Variants in PCDHGA7 observed in about 807,000 individuals in gnomAD.
PCDHGA7 encodes the protein protocadherin gamma subfamily A, 7.
PCDHGA7 carries 44 observed loss-of-function variants against 58.3 expected under a neutral mutation model. The observed-to-expected ratio is 0.75, with a 90% CI of 0.59 to 0.97. The LOEUF (loss-of-function observed/expected upper bound fraction) is 0.97. Among genes scored for constraint, PCDHGA7 ranks in the 50% least tolerant of loss-of-function variants. The pLI is 0.00. For missense variants in PCDHGA7, 1,266 were observed against 1,188.7 expected (o/e 1.06, Z -0.96); for synonymous variants, 516 against 504.2 (o/e 1.02, Z -0.31).
chr5:141,390,330 C>T, intron 1 of PCDHGA7: 1 of 1,600,608 alleles, frequency 6.2e-7, no homozygotes, highest in Non-Finnish European at 8.5e-7. Flanking sequence ...ACCCATTTCT[C>T]CATATTCACA....
intron 1 of PCDHGA7, chr5:141,399,894 C>T (rs201911174): frequency 1.9e-6 from 3 of 1,612,570 alleles, no homozygotes; most frequent in Non-Finnish European, 2.5e-6. Context: ...AGGTAGTGGC[C>T]GTGGACGCAG....
At chr5:141,502,914 T>G (rs78646636) in intron 2 of PCDHGA7, among the ~76,000 whole-genome samples, 4,865 of 139,540 alleles carry the variant, frequency 0.035, 119 homozygotes, top group South Asian at 0.075. Flanking sequence ...CAGGCTGGAG[T>G]GCAGTGGCAA....
chr5:141,420,613 A>G (rs536307424), intron 1 of PCDHGA7, among the ~76,000 whole-genome samples: 53 of 152,194 alleles, frequency 3.5e-4, no homozygotes, highest in Non-Finnish European at 1.9e-4. Flanking sequence ...CAAGTATTTC[A>G]TCTTCATTTA....
chr5:141,400,292 G>T, intron 1 of PCDHGA7: 1 of 1,614,078 alleles, frequency 6.2e-7, no homozygotes, highest in South Asian at 1.1e-5. Flanking sequence ...GCCTGGAGCT[G>T]CTTCCAACCT....
intron 1 of PCDHGA7, chr5:141,388,397 A>G (rs375367492): frequency 2.9e-4 from 463 of 1,613,838 alleles, no homozygotes; most frequent in Non-Finnish European, 3.7e-4. Context: ...AGAATTACCA[A>G]CTCAGTCCCA....
chr5:141,409,766 C>G, intron 1 of PCDHGA7: 1 of 1,612,910 alleles, frequency 6.2e-7, no homozygotes, highest in Non-Finnish European at 8.5e-7. Context: ...CGCCTTTGAT[C>G]ACGAGCAGCT....
Position 141,477,545 on chromosome 5 carries a change from C to T in PCDHGA7, c.2425-17262C>T. The T allele has an allele frequency of 6.2e-7, 1 of 1,614,194 alleles. No individual in the cohort carries two copies. Among genetic ancestry groups the T allele is most frequent in the South Asian group, 1.1e-5 (1 of 91,086 alleles). On this transcript the variant is annotated intron_variant, in intron 1 of 3. Coordinates refer to ENST00000518325, the MANE Select transcript of PCDHGA7 (RefSeq NM_018920.4). The surrounding 1 kb of genome is among the most constrained non-coding windows in gnomAD (Gnocchi z 4.9). ...AAACAACCTCCCCGGGGCTCCAATA[C>T]TAAACCTAAGTGTCTGGGACCCCGA...
At position 141,418,475 on chromosome 5, in the gene PCDHGA7, A is replaced by G; in HGVS notation, c.2424+33152A>G. On this transcript the variant is annotated intron_variant, in intron 1 of 3. Transcript: ENST00000518325. The stretch of plus-strand genomic sequence containing the variant: ...GAAGACTCTGGACCGAGAAACGCAG[A>G]GCGCTCACCACTTGGTACTGACCGC... 3 of 1,614,000 alleles carry G rather than the reference A, an allele frequency of 1.9e-6. No individual in the cohort carries two copies. Among genetic ancestry groups the G allele is most frequent in the Non-Finnish European group, 2.5e-6 (3 of 1,179,892 alleles).
At chr5:141,400,064 G>A in intron 1 of PCDHGA7, 1 of 1,613,770 alleles carries the variant, frequency 6.2e-7, no homozygotes, top group Non-Finnish European at 8.5e-7. Context: ...CGTGATGGTG[G>A]ACAGCCGCCA....
At position 141,431,828 on chromosome 5, in the gene PCDHGA7, C is replaced by G. The variant is rs750949066; in HGVS notation, c.2424+46505C>G. ...CCTCACCTCTCTCGCCAGCTCGGTTCCCGAAAACTCTCCCAGAGGGACATT... is the reference window on the plus strand; with the variant it reads ...CCTCACCTCTCTCGCCAGCTCGGTTGCCGAAAACTCTCCCAGAGGGACATT... On this transcript the variant is annotated intron_variant, in intron 1 of 3. Coordinates refer to ENST00000518325, the MANE Select transcript of PCDHGA7 (RefSeq NM_018920.4). This position sits in a 1 kb window ranked among gnomAD's most constrained non-coding sequence, Gnocchi z 4.8. The G allele has an allele frequency of 5.6e-6, 9 of 1,610,208 alleles. No homozygotes were observed. Among genetic ancestry groups the G allele is most frequent in the Non-Finnish European group, 1.7e-6 (2 of 1,176,374 alleles).
At chr5:141,414,097 T>C (rs1442366960) in intron 1 of PCDHGA7, 1 of 1,594,352 alleles carries the variant, frequency 6.3e-7, no homozygotes, top group South Asian at 1.1e-5. Context: ...AATAAAAATA[T>C]CAGAAAATCT....
intron 1 of PCDHGA7, among the ~76,000 whole-genome samples, chr5:141,449,636 TA>T (rs1448731592): frequency 7.3e-5 from 11 of 150,610 alleles, no homozygotes; most frequent in Non-Finnish European, 1.2e-4. Flanking sequence ...AAGATGTATC[TA>T]TATATACATA....
intron 1 of PCDHGA7, chr5:141,478,142 G>A: frequency 3.7e-6 from 6 of 1,613,988 alleles, no homozygotes; most frequent in Non-Finnish European, 4.2e-6. Flanking sequence ...AGCCCGAGCC[G>A]AGTTCCCCTC....
intron 1 of PCDHGA7, chr5:141,399,630 G>A: frequency 1.9e-6 from 3 of 1,613,874 alleles, no homozygotes; most frequent in Non-Finnish European, 1.7e-6. Flanking sequence ...CCTCTTACGT[G>A]TCCATGAGCG....
intron 1 of PCDHGA7, chr5:141,392,852 G>C: frequency 6.2e-7 from 1 of 1,611,984 alleles, no homozygotes; most frequent in East Asian, 2.2e-5. Flanking sequence ...GCGGCGAGCT[G>C]ATCCTGCTGT....
intron 1 of PCDHGA7, among the ~76,000 whole-genome samples, chr5:141,401,352 G>C (rs1381325058): frequency 6.6e-6 from 1 of 152,080 alleles, no homozygotes; most frequent in Non-Finnish European, 1.5e-5. Flanking sequence ...CAAAAAAAAG[G>C]AAGGAGAAGG....
chr5:141,489,944 T>A lies in PCDHGA7; in HGVS notation c.2425-4863T>A. On this transcript the variant is annotated intron_variant, in intron 1 of 3. Coordinates refer to ENST00000518325, the MANE Select transcript of PCDHGA7 (RefSeq NM_018920.4). The surrounding 1 kb of genome is among the most constrained non-coding windows in gnomAD (Gnocchi z 4.5). ...CTTATCTCTGTCATCGTGCTGGACA[T>A]CAATGATAATGCTCCAACCTTCCAA... 1 of 1,614,172 alleles carries A rather than the reference T, an allele frequency of 6.2e-7. No individual in the cohort carries two copies. The highest frequency in any genetic ancestry group is 8.5e-7 in the Non-Finnish European group (1 of 1,180,010).
intron 1 of PCDHGA7, chr5:141,409,000 C>T (rs779251035): frequency 6.2e-7 from 1 of 1,613,950 alleles, no homozygotes; most frequent in South Asian, 1.1e-5. Context: ...AAGTGACAGC[C>T]ACTGACCAGG....
intron 1 of PCDHGA7, among the ~76,000 whole-genome samples, chr5:141,467,414 C>A (rs1410743140): frequency 6.6e-5 from 10 of 152,168 alleles, no homozygotes; most frequent in African/African-American, 1.2e-4. Flanking sequence ...CCTTTCCCCA[C>A]ACCTAGGTTA....
Sources: gnomAD v4.1 joint callset for allele counts (sites outside exome capture counted in the v4.1 genomes callset) on GRCh38, gnomAD v4.1.1 for gene constraint, Gnocchi (gnomAD v3.1) non-coding constraint, MANE v1.5 for transcripts, NCBI Gene and HGNC (gene_info 2026-07-23, HGNC 2026-07-21) for gene names.